ARHGAP24: variants seen among roughly 807,000 people sequenced by gnomAD.
ARHGAP24 encodes the protein Rho GTPase activating protein 24.
A neutral mutation model predicts 76.4 loss-of-function variants in ARHGAP24; 50 were observed. That is an observed-to-expected ratio of 0.65 (90% CI 0.52 to 0.83). ARHGAP24 has a LOEUF of 0.83. ARHGAP24 is among the 40% of genes least tolerant of loss of function. The pLI is 0.00. For synonymous variants in ARHGAP24, 345 were observed against 323.3 expected (o/e 1.07, Z -0.72); for missense variants, 930 against 914.2 (o/e 1.02, Z -0.22).
chr4:85,602,271 G>C (rs767011809), intron 2 of ARHGAP24, among the ~76,000 whole-genome samples: 4 of 152,158 alleles, frequency 2.6e-5, no homozygotes, highest in Non-Finnish European at 5.9e-5. Context: ...GATAATCAAA[G>C]CTAATGACCA....
At chr4:85,524,959 G>T (rs781243733) in intron 1 of ARHGAP24, among the ~76,000 whole-genome samples, 1 of 152,164 alleles carries the variant, frequency 6.6e-6, no homozygotes, top group Non-Finnish European at 1.5e-5. Context: ...CTTATGGATT[G>T]CCCCAATACT....
intron 1 of ARHGAP24, among the ~76,000 whole-genome samples, chr4:85,558,315 T>G (rs1278472635): frequency 2.6e-5 from 4 of 152,100 alleles, no homozygotes; most frequent in African/African-American, 9.7e-5. Flanking sequence ...TTTTAAAAAA[T>G]TATGTTTTAT....
At chr4:85,527,323 G>T (rs1018954681) in intron 1 of ARHGAP24, among the ~76,000 whole-genome samples, 1 of 152,074 alleles carries the variant, frequency 6.6e-6, no homozygotes, top group African/African-American at 2.4e-5. Context: ...TTATCAAACT[G>T]TTTTGGATGT....
At position 85,766,554 on chromosome 4, in the gene ARHGAP24, A is replaced by G. The variant is rs566378484; in HGVS notation, c.268+44582A>G. On this transcript the variant is annotated intron_variant, in intron 3 of 9. Coordinates refer to ENST00000395184, the MANE Select transcript of ARHGAP24 (RefSeq NM_001025616.3). ...TTAAGCAGATTTCCAGGTGATTCCT[A>G]TGCATGTTAAAGACTAATACGACCC... Among the ~76,000 whole-genome samples, 5 of 152,238 alleles carry G rather than the reference A, an allele frequency of 3.3e-5. No homozygotes were observed. In the South Asian group the frequency reaches 1.0e-3, roughly 32 times the overall value.
intron 1 of ARHGAP24, among the ~76,000 whole-genome samples, chr4:85,480,552 A>G (rs1328952237): frequency 6.6e-6 from 1 of 152,220 alleles, no homozygotes; most frequent in Non-Finnish European, 1.5e-5. Flanking sequence ...TTGAATAGTT[A>G]CATCACGTTT....
At chr4:85,969,431 T>TTATATAGTCATGCAGAG (rs1409720180) in intron 5 of ARHGAP24, among the ~76,000 whole-genome samples, 2 of 152,046 alleles carry the variant, frequency 1.3e-5, no homozygotes, top group Non-Finnish European at 2.9e-5. Flanking sequence ...GTCATGCAAA[T>TTATATAGTCATGCAGAG]TATACATAAC....
At chr4:85,674,649 T>C (rs191965157) in intron 2 of ARHGAP24, among the ~76,000 whole-genome samples, 1 of 152,318 alleles carries the variant, frequency 6.6e-6, no homozygotes, top group Non-Finnish European at 1.5e-5. Context: ...TATGTCCTTT[T>C]GATATAAGAC....
intron 3 of ARHGAP24, among the ~76,000 whole-genome samples, chr4:85,834,394 A>G (rs550272813): frequency 6.6e-6 from 1 of 152,356 alleles, no homozygotes; most frequent in African/African-American, 2.4e-5. Context: ...GCATAAAAGA[A>G]TATTTTAAAA....
intron 3 of ARHGAP24, among the ~76,000 whole-genome samples, chr4:85,890,176 A>G (rs1733809753): frequency 6.6e-6 from 1 of 152,272 alleles, no homozygotes. Flanking sequence ...TAACAATGAC[A>G]CCTAGTCCTT....
At chr4:85,647,311 AAG>A (rs1389064475) in intron 2 of ARHGAP24, among the ~76,000 whole-genome samples, 3 of 152,102 alleles carry the variant, frequency 2.0e-5, no homozygotes, top group African/African-American at 7.2e-5. Flanking sequence ...TGTGAAAACA[AAG>A]AGAATTAAAT....
intron 2 of ARHGAP24, among the ~76,000 whole-genome samples, chr4:85,624,801 GGAGGA>G (rs1720874006): frequency 6.6e-6 from 1 of 152,124 alleles, no homozygotes; most frequent in Non-Finnish European, 1.5e-5. Flanking sequence ...TTTAGTCTTT[GGAGGA>G]TGTATGTGTT....
At chr4:85,619,037 G>A (rs1302064547) in intron 2 of ARHGAP24, among the ~76,000 whole-genome samples, 1 of 151,812 alleles carries the variant, frequency 6.6e-6, no homozygotes, top group Non-Finnish European at 1.5e-5. Context: ...AAAAGTTTTT[G>A]TCAAACCAAT....
At chr4:85,501,595 A>G (rs1378683152) in intron 1 of ARHGAP24, among the ~76,000 whole-genome samples, 2 of 151,964 alleles carry the variant, frequency 1.3e-5, no homozygotes, top group African/African-American at 4.8e-5. Flanking sequence ...GAATTTGTTT[A>G]AGTTCTTTGT....
At chr4:85,687,205 G>A (rs902269763) in intron 2 of ARHGAP24, among the ~76,000 whole-genome samples, 1 of 152,104 alleles carries the variant, frequency 6.6e-6, no homozygotes, top group African/African-American at 2.4e-5. Context: ...AAACAGATAA[G>A]ACTGAGGTGG....
intron 6 of ARHGAP24, among the ~76,000 whole-genome samples, chr4:85,972,998 A>G (rs949500215): frequency 2.0e-5 from 3 of 152,148 alleles, no homozygotes; most frequent in Non-Finnish European, 2.9e-5. Context: ...TTATTTGGCT[A>G]TTATAAATAA....
chr4:85,558,513 G>A (rs1292165362), intron 1 of ARHGAP24, among the ~76,000 whole-genome samples: 1 of 151,784 alleles, frequency 6.6e-6, no homozygotes, highest in African/African-American at 2.4e-5. Context: ...ACACATCAAA[G>A]TCTACCATAA....
intron 1 of ARHGAP24, among the ~76,000 whole-genome samples, chr4:85,534,778 C>T (rs998031641): frequency 6.6e-6 from 1 of 152,088 alleles, no homozygotes; most frequent in Non-Finnish European, 1.5e-5. Flanking sequence ...TTCCTTATGA[C>T]TTCTCTAACC....
chr4:85,699,316 C>G (rs1366051199), intron 2 of ARHGAP24, among the ~76,000 whole-genome samples: 1 of 152,162 alleles, frequency 6.6e-6, no homozygotes, highest in Non-Finnish European at 1.5e-5. Flanking sequence ...ATTTTTCAAA[C>G]TGGACAGTGG....
chr4:85,943,965 G>A (rs928840122), intron 5 of ARHGAP24, among the ~76,000 whole-genome samples: 1 of 151,998 alleles, frequency 6.6e-6, no homozygotes, highest in African/African-American at 2.4e-5. Context: ...AATCCTTTGG[G>A]TATATACCCA....
Sources: allele counts gnomAD v4.1 joint callset (sites outside exome capture counted in the v4.1 genomes callset), GRCh38; gene constraint gnomAD v4.1.1; transcripts MANE v1.5; gene names NCBI Gene and HGNC (gene_info 2026-07-23, HGNC 2026-07-21).